Variants in PRKCE observed in about 807,000 individuals in gnomAD.
PRKCE encodes protein kinase C epsilon type.
PRKCE carries 16 observed loss-of-function variants against 85.4 expected under a neutral mutation model. That is an observed-to-expected ratio of 0.19 (90% CI 0.13 to 0.28). The LOEUF (loss-of-function observed/expected upper bound fraction) is 0.28. Ranked by LOEUF, PRKCE falls within the 10% of genes least tolerant of loss-of-function variation. The pLI is 1.00. For missense variants in PRKCE, 573 were observed against 975.2 expected (o/e 0.59, Z 5.49); for synonymous variants, 388 against 371.5 (o/e 1.04, Z -0.51).
chr2:45,833,066 C>A (rs1293127196), intron 1 of PRKCE, among the ~76,000 whole-genome samples: 1 of 150,920 alleles, frequency 6.6e-6, no homozygotes, highest in Non-Finnish European at 1.5e-5. Context: ...GCCTGTAATC[C>A]CAGCACTTTG....
intron 10 of PRKCE, among the ~76,000 whole-genome samples, chr2:46,037,348 T>A (rs1707930779): frequency 6.6e-6 from 1 of 152,196 alleles, no homozygotes; most frequent in South Asian, 2.1e-4. Context: ...GCAAGCAAAG[T>A]CTCAGCCTCG....
At chr2:45,964,962 A>G (rs146302594) in intron 2 of PRKCE, among the ~76,000 whole-genome samples, 1 of 152,362 alleles carries the variant, frequency 6.6e-6, no homozygotes, top group Admixed American at 6.5e-5. Context: ...GATCATTCAG[A>G]AAGTGAAGAG....
At chr2:45,746,588 G>C (rs1282450111) in intron 1 of PRKCE, among the ~76,000 whole-genome samples, 1 of 152,188 alleles carries the variant, frequency 6.6e-6, no homozygotes, top group Non-Finnish European at 1.5e-5. Context: ...CTGAAATGTG[G>C]ATAGTGCTAC....
rs369510461 is a variant in PRKCE at position 46,151,136 on chromosome 2, C to T, written c.1827C>T (p.Ala609=). 155 of 1,599,372 alleles carry T rather than the reference C, an allele frequency of 9.7e-5. No homozygotes were observed. Among genetic ancestry groups the T allele is most frequent in the Middle Eastern group, 4.9e-4 (3 of 6,082 alleles). ...TGGCTGGACAGCCTCCCTTTGAGGC[C>T]GACAATGAGGACGACCTATTTGAGT... ...EMMAGQPPFE[A]DNEDDLFESI... is the part of the protein sequence containing the mutation. The change falls in exon 13 of 15, where the codon GCC becomes GCT. Residue 609 remains alanine, a synonymous_variant. Transcript: ENST00000306156.
chr2:45,771,736 T>TGTGTGA (rs1274565261), intron 1 of PRKCE, among the ~76,000 whole-genome samples: 2 of 140,986 alleles, frequency 1.4e-5, no homozygotes, highest in Admixed American at 7.1e-5. Flanking sequence ...TGTGTGTGTG[T>TGTGTGA]GAGTGTGTGT....
chr2:45,735,996 C>T (rs1282612855), intron 1 of PRKCE, among the ~76,000 whole-genome samples: 2 of 152,050 alleles, frequency 1.3e-5, no homozygotes, highest in African/African-American at 4.8e-5. Context: ...AGAGTCTCAC[C>T]GTCACCCAGG....
intron 1 of PRKCE, among the ~76,000 whole-genome samples, chr2:45,776,007 A>C (rs1685720644): frequency 6.6e-6 from 1 of 152,160 alleles, no homozygotes; most frequent in Non-Finnish European, 1.5e-5. Context: ...TAATGTGCCC[A>C]CAATAAGGCA....
At chr2:46,166,962 G>T (rs1422587175) in intron 14 of PRKCE, 1 of 152,242 alleles carries the variant, frequency 6.6e-6, no homozygotes, top group Non-Finnish European at 1.5e-5. Flanking sequence ...CTGCACTCCA[G>T]CCTGGGAGAC....
chr2:46,080,392 CAAGTT>C (rs1281072392), intron 10 of PRKCE, among the ~76,000 whole-genome samples: 1 of 152,144 alleles, frequency 6.6e-6, no homozygotes, highest in Non-Finnish European at 1.5e-5. Context: ...GAGTAGAAAA[CAAGTT>C]AAAACTAAAG....
chr2:45,803,449 CT>C (rs60686430), intron 1 of PRKCE, among the ~76,000 whole-genome samples: 6 of 152,358 alleles, frequency 3.9e-5, no homozygotes, highest in Non-Finnish European at 8.8e-5. Flanking sequence ...TTTCCACTCT[CT>C]TTAGGCAAGG....
chr2:45,850,689 A>G (rs1162395944), intron 2 of PRKCE, among the ~76,000 whole-genome samples: 1 of 152,148 alleles, frequency 6.6e-6, no homozygotes, highest in Non-Finnish European at 1.5e-5. Flanking sequence ...TGCATTCACC[A>G]TTTTTAATCG....
chr2:46,075,144 C>T (rs775161266), intron 10 of PRKCE, among the ~76,000 whole-genome samples: 1 of 152,086 alleles, frequency 6.6e-6, no homozygotes, highest in African/African-American at 2.4e-5. Context: ...GGTTTCACGC[C>T]GTTCTCCTGC....
intron 1 of PRKCE, among the ~76,000 whole-genome samples, chr2:45,744,549 T>TCTTC (rs769313874): frequency 0.056 from 4,707 of 84,098 alleles, 374 homozygotes; most frequent in Middle Eastern, 0.083. Flanking sequence ...TTTCTTTCTT[T>TCTTC]CTTCCTTCCT....
intron 10 of PRKCE, chr2:46,073,932 C>G (rs924981227): frequency 6.6e-6 from 1 of 152,160 alleles, no homozygotes; most frequent in African/African-American, 2.4e-5. Context: ...GCAAGCTGAA[C>G]AGATGCTCTC....
chr2:45,863,175 T>C (rs1465390408), intron 2 of PRKCE, among the ~76,000 whole-genome samples: 1 of 152,130 alleles, frequency 6.6e-6, no homozygotes, highest in Non-Finnish European at 1.5e-5. Context: ...TGGCAGCTCA[T>C]AGCCTCCAGT....
chr2:45,687,531 T>G (rs545228307), intron 1 of PRKCE, among the ~76,000 whole-genome samples: 2 of 152,340 alleles, frequency 1.3e-5, no homozygotes, highest in East Asian at 3.9e-4. Flanking sequence ...AAAATGCACA[T>G]ACCCATGAAC....
chr2:45,881,170 A>AT, intron 2 of PRKCE, among the ~76,000 whole-genome samples: 1 of 151,934 alleles, frequency 6.6e-6, no homozygotes, highest in Admixed American at 6.6e-5. Flanking sequence ...AAAAAAAAAA[A>AT]AGATTTCAGG....
At chr2:45,775,391 C>T (rs1229899912) in intron 1 of PRKCE, among the ~76,000 whole-genome samples, 1 of 152,178 alleles carries the variant, frequency 6.6e-6, no homozygotes, top group African/African-American at 2.4e-5. Context: ...GCAGTGCTCA[C>T]AGCATTTGAG....
intron 11 of PRKCE, among the ~76,000 whole-genome samples, chr2:46,144,702 C>T (rs985543971): frequency 2.0e-5 from 3 of 152,182 alleles, no homozygotes; most frequent in Non-Finnish European, 4.4e-5. Context: ...ATGTGTCATG[C>T]TGGGAACCCC....
Sources: allele counts gnomAD v4.1 joint callset (sites outside exome capture counted in the v4.1 genomes callset), GRCh38; gene constraint gnomAD v4.1.1; transcripts MANE v1.5; gene names NCBI Gene and HGNC (gene_info 2026-07-23, HGNC 2026-07-21).